The following SEMA5B variants were observed in gnomAD, a reference collection of about 807,000 sequenced individuals.
SEMA5B encodes semaphorin 5B.
A neutral mutation model predicts 135.0 loss-of-function variants in SEMA5B; 66 were observed. The ratio of observed to expected loss-of-function variants is 0.49; its 90% CI spans 0.40 to 0.60. The LOEUF (loss-of-function observed/expected upper bound fraction) is 0.60. Ranked by LOEUF, SEMA5B falls within the 20% of genes least tolerant of loss-of-function variation. The pLI, the probability that SEMA5B is intolerant of heterozygous loss-of-function variation, is 0.00. For synonymous variants in SEMA5B, 690 were observed against 639.5 expected (o/e 1.08, Z -1.19); for missense variants, 1,501 against 1,566.3 (o/e 0.96, Z 0.70).
chr3:122,910,600 G>A (rs1210757758), intron 22 of SEMA5B, among the ~76,000 whole-genome samples: 1 of 152,052 alleles, frequency 6.6e-6, no homozygotes, highest in East Asian at 1.9e-4. Context: ...ACGAGGTCAG[G>A]AGATCGAGAC....
chr3:122,922,500 C>A, intron 10 of SEMA5B, 53 bp from the exon 11 acceptor site: 10 of 1,502,656 alleles, frequency 6.7e-6, no homozygotes, highest in Non-Finnish European at 9.0e-6. Flanking sequence ...CTGCCGCCAT[C>A]CCCCGCCGGC....
intron 1 of SEMA5B, among the ~76,000 whole-genome samples, chr3:122,963,736 T>A (rs925028902): frequency 6.6e-6 from 1 of 152,172 alleles, no homozygotes; most frequent in Non-Finnish European, 1.5e-5. Flanking sequence ...TCTGGAAATA[T>A]CACTTGGGCA....
At chr3:122,994,735 C>G (rs544123116) in intron 1 of SEMA5B, among the ~76,000 whole-genome samples, 1 of 152,208 alleles carries the variant, frequency 6.6e-6, no homozygotes, top group Non-Finnish European at 1.5e-5. Flanking sequence ...ATTGTGTGAC[C>G]TTGAGCAAGC....
chr3:122,961,107 T>C (rs778208507), intron 2 of SEMA5B, 33 bp downstream of exon 2: 7 of 1,574,270 alleles, frequency 4.4e-6, no homozygotes, highest in Non-Finnish European at 6.1e-6. Context: ...TGGTACCTGC[T>C]GCAGCCCCCC....
chr3:123,000,354 G>A (rs16833756), intron 1 of SEMA5B, among the ~76,000 whole-genome samples: 10,013 of 152,228 alleles, frequency 0.066, 402 homozygotes, highest in East Asian at 0.16. Flanking sequence ...CTGGGCAAAG[G>A]TTCTCAGTCA....
At chr3:122,958,040 G>A (rs1940411786) in intron 2 of SEMA5B, among the ~76,000 whole-genome samples, 1 of 152,230 alleles carries the variant, frequency 6.6e-6, no homozygotes, top group South Asian at 2.1e-4. Context: ...GTTTTTCCCA[G>A]GTCCTGAATG....
intron 1 of SEMA5B, among the ~76,000 whole-genome samples, chr3:122,966,854 G>T (rs888544139): frequency 1.6e-5 from 2 of 123,466 alleles, no homozygotes; most frequent in South Asian, 5.8e-4. Context: ...CACCACACCC[G>T]GCCTATTACT....
intron 2 of SEMA5B, among the ~76,000 whole-genome samples, chr3:122,949,695 G>T (rs970637815): frequency 6.6e-6 from 1 of 152,172 alleles, no homozygotes; most frequent in East Asian, 1.9e-4. Context: ...TAACATTATT[G>T]TAAAACCTCA....
chr3:122,978,386 C>T (rs959715985), intron 1 of SEMA5B, among the ~76,000 whole-genome samples: 1 of 152,116 alleles, frequency 6.6e-6, no homozygotes, highest in Non-Finnish European at 1.5e-5. Context: ...GGAGGCGGGG[C>T]GTAGGGCCAC....
At chr3:123,016,844 A>C (rs551052778) in intron 1 of SEMA5B, among the ~76,000 whole-genome samples, 7 of 151,398 alleles carry the variant, frequency 4.6e-5, no homozygotes, top group African/African-American at 1.7e-4. Flanking sequence ...AGCCTCCCAA[A>C]ACACTGGGAT....
rs551687905 is a variant in SEMA5B, at chr3:123,010,739, G to A, written c.-39+16725C>T. Reference sequence around the variant, plus strand: ...GCAGGAGGATCACTTGAACCCGGGAGGTGGAGGTTGCAGTGAGCTGAGATT... The same window carrying A: ...GCAGGAGGATCACTTGAACCCGGGAAGTGGAGGTTGCAGTGAGCTGAGATT... On this transcript the variant is annotated intron_variant, in intron 1 of 22. Transcript: ENST00000357599. Among the ~76,000 whole-genome samples the A allele has an allele frequency of 2.1e-4, 32 of 151,526 alleles. 1 individual carries two copies. In the South Asian group the frequency reaches 6.5e-3, roughly 31 times the overall value.
At chr3:122,998,907 T>C (rs764657817) in intron 1 of SEMA5B, among the ~76,000 whole-genome samples, 2 of 152,252 alleles carry the variant, frequency 1.3e-5, no homozygotes, top group Non-Finnish European at 2.9e-5. Context: ...AATAGACTTA[T>C]TGACTTATAG....
chr3:123,021,453 A>G (rs1338292048), intron 1 of SEMA5B, among the ~76,000 whole-genome samples: 1 of 152,212 alleles, frequency 6.6e-6, no homozygotes, highest in Non-Finnish European at 1.5e-5. Context: ...GAGTTACTCA[A>G]GGCACCGAAA....
intron 1 of SEMA5B, among the ~76,000 whole-genome samples, chr3:122,990,441 C>T (rs1014513863): frequency 3.9e-5 from 6 of 152,126 alleles, no homozygotes; most frequent in African/African-American, 1.4e-4. Flanking sequence ...GGTGTAGCAG[C>T]AGCAGCAGCA....
rs1939233868 is a variant in SEMA5B, at chr3:122,935,686, C to CTTTCTTTTTTTTTTTTTTTTT, written c.474+3738_474+3739insAAAAAAAAAAAAAAAAAGAAA. Among the ~76,000 whole-genome samples, 40 of 70,266 alleles carry CTTTCTTTTTTTTTTTTTTTTT rather than the reference C, an allele frequency of 5.7e-4. 2 individuals are homozygous for CTTTCTTTTTTTTTTTTTTTTT. The highest frequency in any genetic ancestry group is 1.2e-3 in the South Asian group (2 of 1,698). The allele number at this position is 70,266 out of a possible 152,430, so 46.1% of individuals were successfully genotyped here. A position where few individuals can be genotyped will look rare whatever the true frequency, so the allele number is the denominator to read the frequency against. ...CACTTTTTTTTCTTTTTCTTTCTTT[C>CTTTCTTTTTTTTTTTTTTTTT]TTTTTTTTTTTTTTTTTTTTTTTTG... On this transcript the variant is annotated intron_variant, in intron 5 of 22. Transcript: ENST00000357599.
intron 1 of SEMA5B, among the ~76,000 whole-genome samples, chr3:122,999,774 C>T (rs1165581659): frequency 1.3e-5 from 2 of 152,172 alleles, no homozygotes; most frequent in Non-Finnish European, 2.9e-5. Context: ...ACTGGACATC[C>T]TGCAGCACAA....
chr3:122,912,847 G>A lies in SEMA5B; in HGVS notation c.2721C>T (p.Cys907=). ...AEYQDCNPQA[C]PVRGAWSCWT... ...ATTCCTTCCGTGCAGGGTTACCTGG[G>A]CAAGCCTGGGGGTTGCAGTCCTGGT... Residue 907 remains cysteine, a synonymous_variant, in exon 18 of 23, where the codon TGC becomes TGT. Coordinates refer to ENST00000357599, the MANE Select transcript of SEMA5B (RefSeq NM_001031702.4). 6.3e-7 allele frequency: 1 copy of A among 1,575,424 alleles called. No individual in the cohort carries two copies. The highest frequency in any genetic ancestry group is 8.6e-7 in the Non-Finnish European group (1 of 1,158,904).
intron 13 of SEMA5B, 57 bp from the exon 14 acceptor site, chr3:122,915,678 C>T: frequency 1.2e-6 from 2 of 1,600,988 alleles, no homozygotes; most frequent in South Asian, 2.2e-5. Flanking sequence ...GCAGGGAAGT[C>T]ATAAGATCTC....
At chr3:123,024,601 C>A (rs1490605575) in intron 1 of SEMA5B, among the ~76,000 whole-genome samples, 1 of 152,056 alleles carries the variant, frequency 6.6e-6, no homozygotes, top group African/African-American at 2.4e-5. Context: ...AAGATGGCTC[C>A]CTCAAGGAAC....
Sources: gnomAD v4.1 joint callset for allele counts (sites outside exome capture counted in the v4.1 genomes callset) on GRCh38, gnomAD v4.1.1 for gene constraint, MANE v1.5 for transcripts, NCBI Gene and HGNC (gene_info 2026-07-23, HGNC 2026-07-21) for gene names.